Variants in SMARCA2 observed in about 807,000 individuals in gnomAD.
SMARCA2 encodes the protein SWI/SNF-related matrix-associated actin-dependent regulator of chromatin subfamily A member 2.
In SMARCA2, 61 loss-of-function variants were observed where a neutral mutation model predicts 199.8. The ratio of observed to expected loss-of-function variants is 0.31; its 90% confidence interval spans 0.25 to 0.38. The LOEUF is 0.38. SMARCA2 is among the 10% of genes least tolerant of loss of function. The probability of loss-of-function intolerance (pLI) is 1.00; values close to 1 mark genes in which losing one functional copy is unlikely to be tolerated. For missense variants in SMARCA2, 1,344 were observed against 2,012.2 expected (o/e 0.67, Z 6.35); for synonymous variants, 935 against 732.0 (o/e 1.28, Z -4.48).
rs552260486 is a variant in SMARCA2 at position 2,121,257 on chromosome 9, C to G, written c.3762+1722C>G. ...AACAATCTGAATATCTTGGAAGGCA[C>G]AGCCTTCTTTTAATTTGGGACTATT... On this transcript the variant is annotated intron_variant, in intron 26 of 33. Coordinates refer to ENST00000349721, the MANE Select transcript of SMARCA2 (RefSeq NM_003070.5). 2.0e-5 allele frequency among the ~76,000 whole-genome samples: 3 copies of G among 152,314 alleles called. No individual in the cohort carries two copies. The South Asian group carries it at 6.2e-4, about 32-fold the overall frequency.
intron 27 of SMARCA2, among the ~76,000 whole-genome samples, chr9:2,134,327 C>T (rs924664238): frequency 6.6e-6 from 1 of 152,182 alleles, no homozygotes; most frequent in Admixed American, 6.5e-5. Context: ...TGTACTCATT[C>T]AGCCATTAAG....
chr9:2,053,790 A>G (rs1431461671), intron 5 of SMARCA2, among the ~76,000 whole-genome samples: 1 of 152,242 alleles, frequency 6.6e-6, no homozygotes, highest in Admixed American at 6.5e-5. Flanking sequence ...AGCAGTTTAT[A>G]TATCTAACAG....
chr9:2,182,776 T>G (rs1387564370), intron 31 of SMARCA2, among the ~76,000 whole-genome samples: 7 of 149,296 alleles, frequency 4.7e-5, no homozygotes, highest in Non-Finnish European at 8.9e-5. Context: ...ATTACAGGCA[T>G]GAGCCACCAC....
chr9:2,077,729 G>T lies in SMARCA2; in HGVS notation c.2137G>T (p.Glu713Ter). 1 of 1,614,020 alleles carries T rather than the reference G, an allele frequency of 6.2e-7. No homozygotes were observed. The highest frequency in any genetic ancestry group is 8.5e-7 in the Non-Finnish European group (1 of 1,179,954). ...GGCTCATGCCATCTCGGAGAGGGTG[G>T]AGAAACAGTCTGCCCTCCTAATTAA... Reference protein sequence around the residue: ...TVAHAISERVEKQSALLINGT... With the variant: ...TVAHAISERV The change falls in exon 14 of 34, where the codon GAG becomes TAG. Residue 713 changes from glutamate to a stop codon, truncating the protein, a stop_gained. Coordinates refer to ENST00000349721, the MANE Select transcript of SMARCA2 (RefSeq NM_003070.5). LOFTEE classifies it high-confidence loss of function.
At chr9:2,094,789 T>G (rs1822200266) in intron 19 of SMARCA2, among the ~76,000 whole-genome samples, 1 of 152,214 alleles carries the variant, frequency 6.6e-6, no homozygotes, top group Admixed American at 6.5e-5. Flanking sequence ...GAAAGCACTT[T>G]GCACAGGGCT....
At chr9:2,075,927 A>G (rs766392222) in intron 12 of SMARCA2, among the ~76,000 whole-genome samples, 17 of 152,218 alleles carry the variant, frequency 1.1e-4, no homozygotes, top group Non-Finnish European at 2.2e-4. Flanking sequence ...CAGGACTCTG[A>G]TAACCAAATA....
intron 27 of SMARCA2, among the ~76,000 whole-genome samples, chr9:2,140,382 T>C (rs907313732): frequency 1.3e-5 from 2 of 152,218 alleles, no homozygotes; most frequent in African/African-American, 4.8e-5. Flanking sequence ...GACTACCGTG[T>C]CAGCATTCCA....
chr9:2,069,115 A>G (rs1443149046), intron 9 of SMARCA2: 2 of 147,894 alleles, frequency 1.4e-5, no homozygotes, highest in Non-Finnish European at 3.0e-5. Context: ...ACAGGGTTTC[A>G]CCGTGTTAGC....
At chr9:2,182,310 T>G (rs988589221) in intron 31 of SMARCA2, 68 bp downstream of exon 31, 13 of 936,150 alleles carry the variant, frequency 1.4e-5, no homozygotes, top group Non-Finnish European at 2.0e-5. Flanking sequence ...TTAAGTAGAA[T>G]ATTTCATTTT....
At chr9:2,022,332 C>T (rs999900938) in intron 1 of SMARCA2, among the ~76,000 whole-genome samples, 2 of 152,090 alleles carry the variant, frequency 1.3e-5, no homozygotes, top group African/African-American at 4.8e-5. Context: ...TTATTTGATT[C>T]GTATCAAAAT....
intron 13 of SMARCA2, 37 bp from the exon 14 acceptor site, chr9:2,077,592 A>T: frequency 6.3e-7 from 1 of 1,599,960 alleles, no homozygotes; most frequent in Middle Eastern, 1.7e-4. Context: ...ATGCACGCAC[A>T]TGTCTGTGTG....
chr9:2,189,380 C>T (rs1032551687), intron 32 of SMARCA2, among the ~76,000 whole-genome samples: 5 of 152,000 alleles, frequency 3.3e-5, no homozygotes, highest in African/African-American at 7.3e-5. Context: ...CATTAGAGTG[C>T]GCCACACTCC....
Position 2,150,852 on chromosome 9 carries a change from G to A in SMARCA2, c.3982-10834G>A, listed in dbSNP as rs79106151. Reference sequence around the variant, plus strand: ...TGGCTTGTAAATGGCTACCTCCTTGGTGTATGTATGCGGGGTTGTTCCTCT... The same window carrying A: ...TGGCTTGTAAATGGCTACCTCCTTGATGTATGTATGCGGGGTTGTTCCTCT... On this transcript the variant is annotated intron_variant, in intron 27 of 33. Coordinates refer to ENST00000349721, the MANE Select transcript of SMARCA2 (RefSeq NM_003070.5). 8.5e-3 allele frequency among the ~76,000 whole-genome samples: 1,292 copies of A among 151,474 alleles called. 42 individuals are homozygous for A. Among genetic ancestry groups the A allele is most frequent in the Non-Finnish European group, 0.013 (858 of 67,654 alleles).
intron 9 of SMARCA2, among the ~76,000 whole-genome samples, chr9:2,062,598 G>A (rs940866730): frequency 1.3e-5 from 2 of 152,160 alleles, no homozygotes; most frequent in African/African-American, 4.8e-5. Context: ...GTGTTATTCT[G>A]CATGATCTGT....
At chr9:2,071,739 G>C (rs536450109) in intron 10 of SMARCA2, among the ~76,000 whole-genome samples, 1 of 152,274 alleles carries the variant, frequency 6.6e-6, no homozygotes, top group African/African-American at 2.4e-5. Context: ...TTTCTTAGAG[G>C]CATGACATTA....
intron 17 of SMARCA2, among the ~76,000 whole-genome samples, 174 bp downstream of exon 17, chr9:2,084,370 CTGTGTGTGTGTGTGTGTGTGTGTG>C (rs3057851): frequency 6.3e-4 from 83 of 132,422 alleles, no homozygotes; most frequent in African/African-American, 2.2e-3. Flanking sequence ...TTCATGCATG[CTGTGTGTGTGTGTGTGTGTGTGTG>C]TGTGTGTGTG....
intron 5 of SMARCA2, among the ~76,000 whole-genome samples, chr9:2,050,984 TC>T (rs2130313397): frequency 6.6e-6 from 1 of 152,302 alleles, no homozygotes; most frequent in African/African-American, 2.4e-5. Flanking sequence ...GCTAAATGAG[TC>T]CCCTGCAGTT....
intron 8 of SMARCA2, among the ~76,000 whole-genome samples, chr9:2,060,445 G>A (rs986116822): frequency 6.6e-6 from 1 of 152,146 alleles, no homozygotes; most frequent in African/African-American, 2.4e-5. Flanking sequence ...GATTATATTT[G>A]AAAATGTCTA....
chr9:2,030,779 G>T (rs193010885), intron 2 of SMARCA2, among the ~76,000 whole-genome samples: 17 of 152,182 alleles, frequency 1.1e-4, no homozygotes, highest in African/African-American at 4.1e-4. Flanking sequence ...GAAGATCCTG[G>T]CTTAAAACAA....
Sources: gnomAD v4.1 joint callset for allele counts (sites outside exome capture counted in the v4.1 genomes callset) on GRCh38, gnomAD v4.1.1 for gene constraint, MANE v1.5 for transcripts, NCBI Gene and HGNC (gene_info 2026-07-23, HGNC 2026-07-21) for gene names.